Variants in MICOS13 observed in about 807,000 individuals in gnomAD.
MICOS13 encodes MICOS complex subunit MIC13.
In MICOS13, 15 loss-of-function variants were observed where a neutral mutation model predicts 16.1. The observed-to-expected ratio is 0.93, with a 90% confidence interval of 0.62 to 1.44. The LOEUF is 1.44. MICOS13 is among the 40% of genes most tolerant of loss of function. The probability of loss-of-function intolerance (pLI) is 0.00; values close to 1 mark genes in which losing one functional copy is unlikely to be tolerated. For synonymous variants in MICOS13, 61 were observed against 62.6 expected (o/e 0.97, Z 0.12); for missense variants, 164 against 155.0 (o/e 1.06, Z -0.31).
chr19:5,680,094 C>G (rs1026508499), intron 1 of MICOS13: 2 of 1,535,360 alleles, frequency 1.3e-6, no homozygotes, highest in African/African-American at 2.7e-5. Context: ...CCAAGTGTCC[C>G]TGGGCGCCTC....
At chr19:5,678,751 TG>T in intron 3 of MICOS13, 103 bp from the exon 4 acceptor site, 1 of 174,940 alleles carries the variant, frequency 5.7e-6, no homozygotes, top group Non-Finnish European at 1.2e-5. Context: ...GGGGGGTGGG[TG>T]GGGGGCGGGG....
intron 3 of MICOS13, 48 bp downstream of exon 3, chr19:5,679,297 G>A: frequency 4.5e-6 from 7 of 1,552,982 alleles, no homozygotes; most frequent in South Asian, 1.1e-5. Flanking sequence ...TGGGGAGAGG[G>A]GCTAGACTGG....
At position 5,678,550 on chromosome 19, in the gene MICOS13, G is replaced by A. The variant is rs1160412504; in HGVS notation, c.*1C>T. 1.7e-5 allele frequency: 26 copies of A among 1,548,546 alleles called. No homozygotes were observed. Among genetic ancestry groups the A allele is most frequent in the African/African-American group, 2.7e-5 (2 of 73,018 alleles). On this transcript the variant is annotated 3_prime_UTR_variant, in exon 4 of 4. Coordinates refer to ENST00000309324, the MANE Select transcript of MICOS13 (RefSeq NM_205767.3). ...CGGGGCAGGCGGCCCCTGCTGACTC[G>A]CTACTTGGTGCGCGCCTTCACATAC...
rs563495963 is a variant in MICOS13 at position 5,678,737 on chromosome 19, C to T, written c.260-89G>A. The T allele has an allele frequency of 1.0e-4, 22 of 220,062 alleles. No homozygotes were observed. The Middle Eastern group carries it at 4.0e-3, about 40-fold the overall frequency. 13.6% of individuals were successfully genotyped at this position (220,062 alleles called of 1,614,324 possible). A position where few individuals can be genotyped will look rare whatever the true frequency, so the allele number is the denominator to read the frequency against. Reference sequence around the variant, plus strand: ...GGGAAACTCTAGAGTTTGTTTTGGGCGGTGGGGGGTGGGTGGGGGGCGGGG... The same window carrying T: ...GGGAAACTCTAGAGTTTGTTTTGGGTGGTGGGGGGTGGGTGGGGGGCGGGG... On this transcript the variant is annotated intron_variant, in intron 3 of 3. Transcript: ENST00000309324.
chr19:5,679,680 T>A lies in MICOS13; in HGVS notation c.113A>T (p.Gln38Leu). The A allele has an allele frequency of 6.2e-7, 1 of 1,610,418 alleles. No homozygotes were observed. The highest frequency in any genetic ancestry group is 8.5e-7 in the Non-Finnish European group (1 of 1,179,204). ...CTCCCCAGCCTTCTGTAGGGCTGCCTGGCTCTTGTCGCTGGGCCCCAGCAG... is the reference window on the plus strand; with the variant it reads ...CTCCCCAGCCTTCTGTAGGGCTGCCAGGCTCTTGTCGCTGGGCCCCAGCAG... The part of the protein sequence containing the change: ...QELLGPSDKS[Q>L]AALQKAGEVV... Residue 38 changes from glutamine to leucine, a missense_variant, in exon 2 of 4, where the codon CAG becomes CTG. Transcript: ENST00000309324.
Position 5,678,601 on chromosome 19 carries a change from G to T in MICOS13, c.307C>A (p.Arg103Ser). The T allele has an allele frequency of 1.9e-6, 3 of 1,547,656 alleles. No individual in the cohort carries two copies. Among genetic ancestry groups the T allele is most frequent in the Non-Finnish European group, 2.6e-6 (3 of 1,145,752 alleles). Residue 103 changes from arginine (R) to serine (S), a missense_variant, in exon 4 of 4, where the codon CGC becomes AGC. Arg to Ser is a moderately radical substitution (Grantham distance 110, BLOSUM62 -1). Transcript: ENST00000309324. ...SALSVAPSKAREYSKEGWEYV... is the reference protein window; with the variant it reads ...SALSVAPSKASEYSKEGWEYV... Reference sequence around the variant, plus strand: ...TCCCAGCCCTCCTTGGAGTACTCGCGGGCCTTGGAGGGGGCCACCGACAGA... The same window carrying T: ...TCCCAGCCCTCCTTGGAGTACTCGCTGGCCTTGGAGGGGGCCACCGACAGA...
chr19:5,680,503 G>A lies in MICOS13; in HGVS notation c.-17C>T, dbSNP rs766753872. The A allele has an allele frequency of 5.6e-6, 9 of 1,600,590 alleles. No individual in the cohort carries two copies. The highest frequency in any genetic ancestry group is 6.8e-6 in the Non-Finnish European group (8 of 1,176,482). Reference sequence around the variant, plus strand: ...GGCCACCATGGTCGCTCGGATCCACGCGCAAGGACACTCGGCTCGCCCGCC... The same window carrying A: ...GGCCACCATGGTCGCTCGGATCCACACGCAAGGACACTCGGCTCGCCCGCC... On this transcript the variant is annotated 5_prime_UTR_variant, in exon 1 of 4. Coordinates refer to ENST00000309324, the MANE Select transcript of MICOS13 (RefSeq NM_205767.3).
chr19:5,680,325 C>T, intron 1 of MICOS13, 133 bp downstream of exon 1: 1 of 1,608,338 alleles, frequency 6.2e-7, no homozygotes, highest in Non-Finnish European at 8.5e-7. Flanking sequence ...CCCTATCTGG[C>T]CCATAGGCGG....
At position 5,679,772 on chromosome 19, in the gene MICOS13, A is replaced by T; in HGVS notation, c.30-9T>A. On this transcript the variant is annotated splice_polypyrimidine_tract_variant and intron_variant, in intron 1 of 3. Coordinates refer to ENST00000309324, the MANE Select transcript of MICOS13 (RefSeq NM_205767.3). ...TTCCCTTGATGAGGAACCTGCGGGC[A>T]GGGACGGGAGGAGCAGAAGCTCAGC... is the stretch of plus-strand genomic sequence containing the variant. 1 of 1,587,900 alleles carries T rather than the reference A, an allele frequency of 6.3e-7. No individual in the cohort carries two copies. Among genetic ancestry groups the T allele is most frequent in the Non-Finnish European group, 8.5e-7 (1 of 1,170,306 alleles).
At chr19:5,679,801 CACTG>C in intron 1 of MICOS13, 38 bp from the exon 2 acceptor site, 1 of 1,545,010 alleles carries the variant, frequency 6.5e-7, no homozygotes, top group Non-Finnish European at 8.7e-7. Flanking sequence ...GCTCAGCGGA[CACTG>C]ACAGCCACCC....
Position 5,679,655 on chromosome 19 carries a change from C to A in MICOS13, c.138G>T (p.Glu46Asp), listed in dbSNP as rs1599407645. 2 of 1,610,784 alleles carry A rather than the reference C, an allele frequency of 1.2e-6. No individual in the cohort carries two copies. Among genetic ancestry groups the A allele is most frequent in the African/African-American group, 1.3e-5 (1 of 74,822 alleles). ...KSQAALQKAG[E>D]VVPPAMYQFS... ...ACTGGTACATGGCGGGGGGGACCAC[C>A]TCCCCAGCCTTCTGTAGGGCTGCCT... Residue 46 changes from glutamate (E) to aspartate (D), a missense_variant, in exon 2 of 4, where the codon GAG becomes GAT. Coordinates refer to ENST00000309324, the MANE Select transcript of MICOS13 (RefSeq NM_205767.3).
Position 5,678,684 on chromosome 19 carries a change from TCCCAGCCTCA to T in MICOS13, c.260-46_260-37del, listed in dbSNP as rs1323727782. 1.2e-5 allele frequency: 14 copies of T among 1,194,172 alleles called. No homozygotes were observed. The East Asian group carries it at 2.2e-4, about 19-fold the overall frequency. The allele number at this position is 1,194,172 out of a possible 1,614,324, so 74.0% of individuals were successfully genotyped here. On this transcript the variant is annotated intron_variant, in intron 3 of 3. Transcript: ENST00000309324. ...GGGACGGCCACTGGTGATACTCCCC[TCCCAGCCTCA>T]CCCAGCCTCCAACCCCTGGGAAACT... is the stretch of plus-strand genomic sequence containing the variant.
intron 3 of MICOS13, chr19:5,678,896 T>C (rs181168016): frequency 1.3e-5 from 6 of 447,710 alleles, no homozygotes; most frequent in Middle Eastern, 6.2e-4. Flanking sequence ...TGCGCCACCA[T>C]ACCAGGCTAA....
rs559602378 is a variant in MICOS13 at position 5,680,234 on chromosome 19, T to G, written c.29+224A>C. On this transcript the variant is annotated intron_variant, in intron 1 of 3. Coordinates refer to ENST00000309324, the MANE Select transcript of MICOS13 (RefSeq NM_205767.3). Reference sequence around the variant, plus strand: ...GGAGGCGGAGGCTGACACCGCGAACTGAACGCCAAGGGCTCGCTGGGAAGC... The same window carrying G: ...GGAGGCGGAGGCTGACACCGCGAACGGAACGCCAAGGGCTCGCTGGGAAGC... The G allele has an allele frequency of 3.0e-5, 47 of 1,553,238 alleles. No homozygotes were observed. In the African/African-American group the frequency reaches 5.3e-4, roughly 18 times the overall value.
At chr19:5,679,293 G>C in intron 3 of MICOS13, 52 bp downstream of exon 3, 1 of 1,535,976 alleles carries the variant, frequency 6.5e-7, no homozygotes, top group South Asian at 1.1e-5. Context: ...GAAGTGGGGA[G>C]AGGGGCTAGA....
At chr19:5,680,434 G>T (rs946545226) in intron 1 of MICOS13, 24 bp downstream of exon 1, 1 of 1,613,144 alleles carries the variant, frequency 6.2e-7, no homozygotes, top group African/African-American at 1.3e-5. Context: ...GGGGACTCGG[G>T]TCCCCTCCGG....
chr19:5,679,138 C>T, intron 3 of MICOS13: 1 of 570,438 alleles, frequency 1.8e-6, no homozygotes, highest in Non-Finnish European at 3.1e-6. Flanking sequence ...TCTCGAACTC[C>T]TGACTTCAGA....
At chr19:5,680,433 G>A in intron 1 of MICOS13, 25 bp downstream of exon 1, 1 of 1,613,114 alleles carries the variant, frequency 6.2e-7, no homozygotes, top group East Asian at 2.2e-5. Flanking sequence ...CGGGGACTCG[G>A]GTCCCCTCCG....
rs1204040522 is a variant in MICOS13, at chr19:5,680,039, G to A, written c.30-276C>T. Reference sequence around the variant, plus strand: ...TCCCACAGTGAGCAGGGGCAGTGAAGACGTAAGATCTTGACCTTCTAGAAG... The same window carrying A: ...TCCCACAGTGAGCAGGGGCAGTGAAAACGTAAGATCTTGACCTTCTAGAAG... On this transcript the variant is annotated intron_variant, in intron 1 of 3. Coordinates refer to ENST00000309324, the MANE Select transcript of MICOS13 (RefSeq NM_205767.3). 9.2e-6 allele frequency: 14 copies of A among 1,514,504 alleles called. No homozygotes were observed. In the East Asian group the frequency reaches 2.9e-4, roughly 32 times the overall value. 93.8% of individuals were successfully genotyped at this position (1,514,504 alleles called of 1,614,324 possible).
Sources: allele counts gnomAD v4.1 joint callset, GRCh38; gene constraint gnomAD v4.1.1; transcripts MANE v1.5; gene names NCBI Gene and HGNC (gene_info 2026-07-23, HGNC 2026-07-21).